IARS2: variants seen among roughly 807,000 people sequenced by gnomAD.
IARS2 encodes isoleucyl-tRNA synthetase 2, mitochondrial, also known as isoleucine--tRNA ligase, mitochondrial.
IARS2 carries 56 observed loss-of-function variants against 126.3 expected under a neutral mutation model. The observed-to-expected ratio is 0.44, with a 90% CI of 0.36 to 0.55. The LOEUF (loss-of-function observed/expected upper bound fraction) is 0.55. IARS2 is among the 20% of genes least tolerant of loss of function. The probability of loss-of-function intolerance (pLI) is 0.00; values close to 1 mark genes in which losing one functional copy is unlikely to be tolerated. For missense variants in IARS2, 1,127 were observed against 1,245.9 expected (o/e 0.90, Z 1.44); for synonymous variants, 407 against 441.1 (o/e 0.92, Z 0.97).
chr1:220,098,928 A>T (rs1045169454), intron 2 of IARS2, among the ~76,000 whole-genome samples: 3 of 152,132 alleles, frequency 2.0e-5, no homozygotes, highest in Admixed American at 6.6e-5. Flanking sequence ...ATACAATGCA[A>T]GCGGCTGGGC....
intron 10 of IARS2, among the ~76,000 whole-genome samples, chr1:220,107,537 C>T (rs1656705582): frequency 6.6e-6 from 1 of 152,186 alleles, no homozygotes; most frequent in Non-Finnish European, 1.5e-5. Context: ...CTTGGGAATC[C>T]TCCAGCCTTG....
intron 10 of IARS2, among the ~76,000 whole-genome samples, chr1:220,108,388 A>T (rs1270405112): frequency 5.6e-5 from 8 of 143,690 alleles, no homozygotes; most frequent in Admixed American, 1.4e-4. Context: ...TTTTTATTTT[A>T]TTTTTATTTT....
intron 17 of IARS2, 93 bp from the exon 18 acceptor site, chr1:220,138,915 A>C: frequency 8.5e-7 from 1 of 1,181,582 alleles, no homozygotes. Context: ...CCACTAAGAA[A>C]ATGACAAGAG....
intron 8 of IARS2, 96 bp downstream of exon 8, chr1:220,103,658 G>A (rs1656626839): frequency 2.8e-6 from 2 of 718,006 alleles, no homozygotes; most frequent in Admixed American, 2.1e-5. Context: ...AATTGAAACA[G>A]ATATGGCCTC....
chr1:220,119,798 C>T (rs1410954318), intron 12 of IARS2, among the ~76,000 whole-genome samples: 2 of 151,982 alleles, frequency 1.3e-5, no homozygotes, highest in Non-Finnish European at 2.9e-5. Flanking sequence ...AAAATGTCAG[C>T]TTAGCTCTTA....
chr1:220,109,177 T>G (rs113875918), intron 10 of IARS2, among the ~76,000 whole-genome samples: 20,694 of 151,878 alleles, frequency 0.14, 1,509 homozygotes, highest in South Asian at 0.19. Context: ...GAAGCGGACA[T>G]ATCACGAGGT....
intron 14 of IARS2, among the ~76,000 whole-genome samples, chr1:220,131,385 C>T (rs914311419): frequency 6.6e-6 from 1 of 151,194 alleles, no homozygotes; most frequent in Non-Finnish European, 1.5e-5. Context: ...GAGTTTCACT[C>T]TTATTGCCCA....
intron 12 of IARS2, among the ~76,000 whole-genome samples, chr1:220,121,662 C>T (rs534485563): frequency 2.6e-5 from 4 of 152,194 alleles, no homozygotes; most frequent in Non-Finnish European, 5.9e-5. Context: ...CCAGGCTGGT[C>T]TTGAACTCTT....
Position 220,138,023 on chromosome 1 carries a change from G to T in IARS2, c.2155G>T (p.Ala719Ser), listed in dbSNP as rs1657414092. 6.2e-7 allele frequency: 1 copy of T among 1,614,058 alleles called. No homozygotes were observed. Among genetic ancestry groups the T allele is most frequent in the East Asian group, 2.2e-5 (1 of 44,884 alleles). ...VAIGPSVLNAARDDISKLRNT... is the reference protein window; with the variant it reads ...VAIGPSVLNASRDDISKLRNT... ...AATTGGCCCATCCGTGCTCAATGCT[G>T]CCAGAGATGATATTAGCAAGGTTAG... Residue 719 changes from alanine to serine, a missense_variant, in exon 17 of 23, where the codon GCC becomes TCC. Transcript: ENST00000366922.
chr1:220,111,644 G>A (rs935392775), intron 11 of IARS2, among the ~76,000 whole-genome samples: 1 of 146,742 alleles, frequency 6.8e-6, no homozygotes, highest in East Asian at 2.0e-4. Flanking sequence ...CTCACAACTT[G>A]ATTCTATTTA....
chr1:220,143,364 A>G, intron 21 of IARS2: 1 of 317,246 alleles, frequency 3.2e-6, no homozygotes, highest in South Asian at 9.2e-5. Context: ...TTAAAAAAAA[A>G]TTAATTTAGA....
chr1:220,134,411 A>G lies in IARS2; in HGVS notation c.1847A>G (p.Gln616Arg), dbSNP rs1657327947. The change falls in exon 15 of 23, where the codon CAA (glutamine) becomes CGA (arginine). Residue 616 changes from glutamine to arginine, a missense_variant. Gln to Arg is a conservative substitution (Grantham distance 43, BLOSUM62 1). Coordinates refer to ENST00000366922, the MANE Select transcript of IARS2 (RefSeq NM_018060.4). ...AATACTTAATTTTGAGGTCCTGACC[A>G]AAGAGCAGATTTGTACTTGGAAGGA... ...SWSYVLPGPD[Q>R]RADLYLEGKD... 1.3e-6 allele frequency: 2 copies of G among 1,598,624 alleles called. No individual in the cohort carries two copies. The highest frequency in any genetic ancestry group is 2.3e-5 in the South Asian group (2 of 87,726).
chr1:220,100,527 A>C lies in IARS2; in HGVS notation c.428A>C (p.Asn143Thr), dbSNP rs1656549554. The C allele has an allele frequency of 6.2e-7, 1 of 1,612,988 alleles. No individual in the cohort carries two copies. The highest frequency in any genetic ancestry group is 1.1e-5 in the South Asian group (1 of 90,832). ...KDIANRFHMM[N>T]GSKIHFVPGW... ...ATAGCCAATCGATTCCATATGATGA[A>C]TGGCTCCAAAATACATTTTGTGCCC... Residue 143 changes from asparagine (N) to threonine (T), a missense_variant, in exon 3 of 23, where the codon AAT (asparagine) becomes ACT (threonine). Coordinates refer to ENST00000366922, the MANE Select transcript of IARS2 (RefSeq NM_018060.4).
At chr1:220,099,298 C>T (rs1029369720) in intron 2 of IARS2, among the ~76,000 whole-genome samples, 1 of 151,560 alleles carries the variant, frequency 6.6e-6, no homozygotes, top group Non-Finnish European at 1.5e-5. Flanking sequence ...CTAGTGGCCC[C>T]AGAAAATAAT....
chr1:220,135,982 GT>G (rs1293348686), intron 15 of IARS2, among the ~76,000 whole-genome samples: 1 of 151,992 alleles, frequency 6.6e-6, no homozygotes, highest in African/African-American at 2.4e-5. Context: ...TGTCTCTGTA[GT>G]TTGCTCTTTC....
chr1:220,103,338 G>T, intron 7 of IARS2, 109 bp from the exon 8 acceptor site: 1 of 679,686 alleles, frequency 1.5e-6, no homozygotes, highest in Non-Finnish European at 2.5e-6. Context: ...ATGAGCCACC[G>T]CGCTGGCCTG....
In IARS2 at chr1:220,102,480, A is replaced by G; in HGVS notation, c.750-15A>G. 6.2e-7 allele frequency: 1 copy of G among 1,611,438 alleles called. No homozygotes were observed. ...AGGCTTCCAAGTATTTATGTTTAATATTTTTAACCCTTAGGACTGCATTGG... is the reference window on the plus strand; with the variant it reads ...AGGCTTCCAAGTATTTATGTTTAATGTTTTTAACCCTTAGGACTGCATTGG... On this transcript the variant is annotated splice_polypyrimidine_tract_variant and intron_variant, in intron 5 of 22. Transcript: ENST00000366922.
chr1:220,095,145 TCTC>T (rs1656411482), intron 1 of IARS2, among the ~76,000 whole-genome samples: 1 of 152,256 alleles, frequency 6.6e-6, no homozygotes, highest in East Asian at 1.9e-4. Context: ...CTCAGGCAAT[TCTC>T]CTGCCTTAGC....
intron 14 of IARS2, among the ~76,000 whole-genome samples, chr1:220,130,703 A>G (rs1571859710): frequency 6.6e-6 from 1 of 152,020 alleles, no homozygotes; most frequent in Non-Finnish European, 1.5e-5. Context: ...GACTACAGGC[A>G]CCTGCCACCA....
Sources: gnomAD v4.1 joint callset for allele counts (sites outside exome capture counted in the v4.1 genomes callset) on GRCh38, gnomAD v4.1.1 for gene constraint, MANE v1.5 for transcripts, NCBI Gene and HGNC (gene_info 2026-07-23, HGNC 2026-07-21) for gene names.